EPB41L2: variants seen among roughly 807,000 people sequenced by gnomAD.
The protein encoded by EPB41L2 is band 4.1-like protein 2.
In EPB41L2, 43 loss-of-function variants were observed where a neutral mutation model predicts 113.0. The observed-to-expected ratio is 0.38, with a 90% CI of 0.30 to 0.49. EPB41L2 has a LOEUF of 0.49. Among genes scored for constraint, EPB41L2 ranks in the 20% least tolerant of loss-of-function variants. The probability of loss-of-function intolerance (pLI) is 0.95; values close to 1 mark genes in which losing one functional copy is unlikely to be tolerated. For synonymous variants in EPB41L2, 442 were observed against 436.7 expected (o/e 1.01, Z -0.15); for missense variants, 1,147 against 1,223.4 (o/e 0.94, Z 0.93).
intron 12 of EPB41L2, 26 bp downstream of exon 12, chr6:130,885,070 C>T (rs1191829804): frequency 1.2e-6 from 2 of 1,612,870 alleles, no homozygotes; most frequent in East Asian, 2.2e-5. Flanking sequence ...ATGTTTAAAA[C>T]CACATACTGT....
At chr6:131,005,164 T>C (rs1262114827) in intron 1 of EPB41L2, among the ~76,000 whole-genome samples, 1 of 150,476 alleles carries the variant, frequency 6.6e-6, no homozygotes, top group Non-Finnish European at 1.5e-5. Flanking sequence ...GGTGCTTACT[T>C]GATCTTTTAC....
chr6:131,016,183 C>T (rs1341249364), intron 1 of EPB41L2, among the ~76,000 whole-genome samples: 4 of 152,080 alleles, frequency 2.6e-5, no homozygotes, highest in South Asian at 2.1e-4. Flanking sequence ...TTTGAAACAA[C>T]GTGATTTTTT....
At chr6:131,031,856 T>G (rs1420039475) in intron 1 of EPB41L2, among the ~76,000 whole-genome samples, 1 of 152,202 alleles carries the variant, frequency 6.6e-6, no homozygotes, top group Non-Finnish European at 1.5e-5. Flanking sequence ...ATGTTAATGT[T>G]AACATTGGCA....
At chr6:130,894,078 G>A (rs961926274) in intron 10 of EPB41L2, among the ~76,000 whole-genome samples, 1 of 151,868 alleles carries the variant, frequency 6.6e-6, no homozygotes, top group African/African-American at 2.4e-5. Context: ...GGCAAGGAGG[G>A]GAGAAAAGAG....
intron 1 of EPB41L2, among the ~76,000 whole-genome samples, chr6:131,044,555 T>C (rs1469079682): frequency 6.6e-6 from 1 of 152,184 alleles, no homozygotes; most frequent in Non-Finnish European, 1.5e-5. Flanking sequence ...AGTCATAAAA[T>C]GGGAATCATA....
chr6:131,045,318 C>CATATTTAAATATTCATTTAATATGA (rs1795215054), intron 1 of EPB41L2, among the ~76,000 whole-genome samples: 1 of 143,146 alleles, frequency 7.0e-6, no homozygotes, highest in East Asian at 2.0e-4. Context: ...CAAAATATTT[C>CATATTTAAATATTCATTTAATATGA]ATATTTAAAT....
intron 14 of EPB41L2, chr6:130,876,717 G>A (rs1415008782): frequency 1.5e-5 from 20 of 1,303,938 alleles, no homozygotes; most frequent in South Asian, 9.9e-5. Flanking sequence ...CCATATTGTC[G>A]GCATCAGGTA....
chr6:131,004,152 T>C (rs934741639), intron 1 of EPB41L2, among the ~76,000 whole-genome samples: 2 of 152,180 alleles, frequency 1.3e-5, no homozygotes, highest in African/African-American at 4.8e-5. Flanking sequence ...TGCTTCATGA[T>C]AGGTTGTATT....
chr6:130,852,576 AAT>A (rs1779082204), intron 19 of EPB41L2, among the ~76,000 whole-genome samples: 1 of 152,146 alleles, frequency 6.6e-6, no homozygotes, highest in Non-Finnish European at 1.5e-5. Context: ...CAAAAACCTA[AAT>A]ATGATGTGTG....
At chr6:131,035,261 C>T (rs138118597) in intron 1 of EPB41L2, among the ~76,000 whole-genome samples, 110 of 152,328 alleles carry the variant, frequency 7.2e-4, no homozygotes, top group African/African-American at 2.6e-3. Flanking sequence ...AACTGAGATG[C>T]TATCGCAAAC....
rs752857429 is a variant in EPB41L2, at chr6:130,869,570, C to G, written c.2600G>C (p.Cys867Ser). The change falls in exon 15 of 20, where the codon TGT becomes TCT. Residue 867 changes from cysteine to serine, a missense_variant. Cys to Ser is a moderately radical substitution (Grantham distance 112). Coordinates refer to ENST00000337057, the MANE Select transcript of EPB41L2 (RefSeq NM_001431.4). The part of the protein sequence containing the change: ...DIDVLPQIIC[C>S]SEPPVVKTEM... Reference sequence around the variant, plus strand: ...CCTGGGACTCCCATTTACCTCTGAACAACAAATAATTTGTGGCAAAACATC... The same window carrying G: ...CCTGGGACTCCCATTTACCTCTGAAGAACAAATAATTTGTGGCAAAACATC... The G allele has an allele frequency of 6.2e-7, 1 of 1,613,764 alleles. No homozygotes were observed. The highest frequency in any genetic ancestry group is 2.2e-5 in the East Asian group (1 of 44,880).
chr6:130,947,558 T>C (rs1314935473), intron 3 of EPB41L2, among the ~76,000 whole-genome samples: 3 of 152,212 alleles, frequency 2.0e-5, no homozygotes, highest in South Asian at 2.1e-4. Context: ...AGTTCATTAA[T>C]AGCTACAGTT....
At position 130,879,589 on chromosome 6, in the gene EPB41L2, T is replaced by C. The variant is rs188710522; in HGVS notation, c.1896+555A>G. On this transcript the variant is annotated intron_variant, in intron 13 of 19. Transcript: ENST00000337057. The stretch of plus-strand genomic sequence containing the variant: ...GGTGATTGGGCTTTCTTTTTCTCCT[T>C]TCCTTCTCTCTCACTTTTGCTTGTT... 1.4e-3 allele frequency among the ~76,000 whole-genome samples: 212 copies of C among 152,362 alleles called. 1 individual carries two copies. The highest frequency in any genetic ancestry group is 5.0e-3 in the African/African-American group (206 of 41,582).
At chr6:131,025,295 A>G (rs1790602475) in intron 1 of EPB41L2, among the ~76,000 whole-genome samples, 1 of 152,186 alleles carries the variant, frequency 6.6e-6, no homozygotes, top group African/African-American at 2.4e-5. Flanking sequence ...TTAGCATAAT[A>G]CCACAATAGT....
At chr6:130,859,510 C>CA (rs780156217) in intron 18 of EPB41L2, among the ~76,000 whole-genome samples, 43,494 of 102,318 alleles carry the variant, frequency 0.43, 7,203 homozygotes, top group East Asian at 0.52. Context: ...GACTTTGTCT[C>CA]AAAAAAAAAA....
intron 3 of EPB41L2, among the ~76,000 whole-genome samples, chr6:130,943,935 A>C (rs1006812675): frequency 3.3e-5 from 5 of 152,172 alleles, no homozygotes; most frequent in African/African-American, 9.7e-5. Context: ...TGAGCTGTGA[A>C]TGTGAGCTCC....
At chr6:130,957,980 T>G (rs1409864501) in intron 1 of EPB41L2, among the ~76,000 whole-genome samples, 2 of 152,218 alleles carry the variant, frequency 1.3e-5, no homozygotes, top group South Asian at 2.1e-4. Context: ...AAAAATAACT[T>G]AAAAATGTTT....
intron 11 of EPB41L2, among the ~76,000 whole-genome samples, chr6:130,889,658 C>T (rs1792136016): frequency 6.6e-6 from 1 of 152,120 alleles, no homozygotes; most frequent in African/African-American, 2.4e-5. Context: ...GATTAAGGTT[C>T]ATATGCTACC....
intron 1 of EPB41L2, among the ~76,000 whole-genome samples, chr6:130,985,686 T>C (rs748589447): frequency 1.3e-5 from 2 of 152,254 alleles, no homozygotes; most frequent in Admixed American, 6.5e-5. Context: ...ATCAGAATTA[T>C]ACACAAAGAT....
Sources: gnomAD v4.1 joint callset for allele counts (sites outside exome capture counted in the v4.1 genomes callset) on GRCh38, gnomAD v4.1.1 for gene constraint, MANE v1.5 for transcripts, NCBI Gene and HGNC (gene_info 2026-07-23, HGNC 2026-07-21) for gene names.